Variants in MCF2L observed in about 807,000 individuals in gnomAD.
MCF2L encodes guanine nucleotide exchange factor DBS.
A neutral mutation model predicts 153.4 loss-of-function variants in MCF2L; 97 were observed. The ratio of observed to expected loss-of-function variants is 0.63; its 90% CI spans 0.54 to 0.75. The LOEUF (loss-of-function observed/expected upper bound fraction) is 0.75, where lower values mean the gene tolerates loss of function less well. Ranked by LOEUF, MCF2L falls within the 30% of genes least tolerant of loss-of-function variation. The pLI is 0.00. For synonymous variants in MCF2L, 659 were observed against 632.2 expected (o/e 1.04, Z -0.64); for missense variants, 1,347 against 1,495.2 (o/e 0.90, Z 1.64).
chr13:113,028,533 G>A lies in MCF2L; in HGVS notation c.278+3775G>A, dbSNP rs2085448754. ...CGCACAGCCTGGTCTGGCTGAAGGT[G>A]GCCGGAGCGCAGGCCCAGTCCCCGC... On this transcript the variant is annotated intron_variant, in intron 3 of 29. Coordinates refer to ENST00000535094, the MANE Select transcript of MCF2L (RefSeq NM_001112732.3). The surrounding 1 kb of genome is among the most constrained non-coding windows in gnomAD (Gnocchi z 5.4). Among the ~76,000 whole-genome samples, 1 of 152,212 alleles carries A rather than the reference G, an allele frequency of 6.6e-6. No individual in the cohort carries two copies.
In MCF2L at chr13:112,913,993, G is replaced by T. The variant is rs75741202; in HGVS notation, c.169+11622G>T. The stretch of plus-strand genomic sequence containing the variant: ...TCGAGTCCAGACTCCTTAGCGTTGC[G>T]TTGGGACGTAATTCCCCGTTAGCAT... On this transcript the variant is annotated intron_variant, in intron 2 of 29. Transcript: ENST00000375608. Among the ~76,000 whole-genome samples, 73 of 152,246 alleles carry T rather than the reference G, an allele frequency of 4.8e-4. 1 individual carries two copies. The East Asian group carries it at 0.011, about 23-fold the overall frequency.
chr13:113,013,789 T>G (rs2084324898), intron 1 of MCF2L, among the ~76,000 whole-genome samples: 1 of 152,218 alleles, frequency 6.6e-6, no homozygotes, highest in Non-Finnish European at 1.5e-5. Flanking sequence ...AAATCGTGTC[T>G]GCTCCGTGGT....
Position 113,087,449 on chromosome 13 carries a change from C to CCTA in MCF2L, c.2590_2591insACT (p.Ser863_Leu864insTyr). ...GCTCCCTCCTACAGCTACAAGCAGT[C>CCTA]CTTAAACGTAAGTGAGGCCGGGTCT... On this transcript the variant is annotated inframe_insertion, in exon 22 of 30. Transcript: ENST00000535094. 3.7e-6 allele frequency: 6 copies of CCTA among 1,603,828 alleles called. No individual in the cohort carries two copies. Among genetic ancestry groups the CCTA allele is most frequent in the Non-Finnish European group, 5.1e-6 (6 of 1,173,304 alleles).
Position 113,024,661 on chromosome 13 carries a change from G to C in MCF2L, c.181G>C (p.Gly61Arg). ...CTCCCCAGGTGGGCGGGGGCAGGACGGAAGCCCGGTTATCACCTTCCCTGA... is the reference window on the plus strand; with the variant it reads ...CTCCCCAGGTGGGCGGGGGCAGGACCGAAGCCCGGTTATCACCTTCCCTGA... ...AYLSGGRGQD[G>R]SPVITFPDYP... The change falls in exon 3 of 30, where the codon GGA becomes CGA. Residue 61 changes from glycine to arginine, a missense_variant. By Grantham distance (125) the Gly-to-Arg change is moderately radical. Coordinates refer to ENST00000535094, the MANE Select transcript of MCF2L (RefSeq NM_001112732.3). 1.2e-6 allele frequency: 2 copies of C among 1,613,870 alleles called. No homozygotes were observed. The highest frequency in any genetic ancestry group is 1.7e-6 in the Non-Finnish European group (2 of 1,179,828).
At position 113,089,732 on chromosome 13, in the gene MCF2L, G is replaced by A. The variant is rs760103308; in HGVS notation, c.2953+4G>A. ...AAGCCCCCCGAAAAGGGCAAAGGTGGGTATGTGCAGGGACCGGGCCTCACA... is the reference window on the plus strand; with the variant it reads ...AAGCCCCCCGAAAAGGGCAAAGGTGAGTATGTGCAGGGACCGGGCCTCACA... On this transcript the variant is annotated splice_donor_region_variant and intron_variant, in intron 26 of 29. Coordinates refer to ENST00000535094, the MANE Select transcript of MCF2L (RefSeq NM_001112732.3). 7.4e-6 allele frequency: 12 copies of A among 1,611,862 alleles called. No individual in the cohort carries two copies. The highest frequency in any genetic ancestry group is 1.0e-5 in the Non-Finnish European group (12 of 1,178,454).
At chr13:113,043,028 G>A (rs2086598760) in intron 3 of MCF2L, 1 of 152,264 alleles carries the variant, frequency 6.6e-6, no homozygotes, top group South Asian at 2.1e-4. Context: ...AGCATACTCA[G>A]TGGCTTCATT....
At chr13:113,086,951 C>T (rs531163162) in intron 21 of MCF2L, among the ~76,000 whole-genome samples, 17 of 152,278 alleles carry the variant, frequency 1.1e-4, no homozygotes, top group Admixed American at 7.2e-4. Flanking sequence ...GTGCATTCTG[C>T]GGTTTGGACA....
rs898273483 is a variant in MCF2L, at chr13:113,011,547, G to A, written c.80-3216G>A. On this transcript the variant is annotated intron_variant, in intron 1 of 29. Coordinates refer to ENST00000535094, the MANE Select transcript of MCF2L (RefSeq NM_001112732.3). ...CTGGGTGGATGGTGGACACTGCGATGAGGACGGTGGACACTGCGATGAGGA... is the reference window on the plus strand; with the variant it reads ...CTGGGTGGATGGTGGACACTGCGATAAGGACGGTGGACACTGCGATGAGGA... Among the ~76,000 whole-genome samples the A allele has an allele frequency of 5.4e-4, 81 of 150,230 alleles. 1 individual carries two copies. Among genetic ancestry groups the A allele is most frequent in the African/African-American group, 1.9e-3 (79 of 40,668 alleles).
chr13:113,030,310 C>CGCA (rs57486104), intron 3 of MCF2L, among the ~76,000 whole-genome samples: 31 of 84,278 alleles, frequency 3.7e-4, no homozygotes, highest in Non-Finnish European at 5.9e-4. Flanking sequence ...CGCCGACGCC[C>CGCA]GGTGTGGACC....
chr13:112,902,863 G>A (rs1366696163), intron 2 of MCF2L, among the ~76,000 whole-genome samples: 1 of 152,186 alleles, frequency 6.6e-6, no homozygotes, highest in African/African-American at 2.4e-5. Context: ...CCCGAGGTGA[G>A]AGCTGGGCAG....
chr13:113,017,161 C>T (rs1202223567), intron 2 of MCF2L, among the ~76,000 whole-genome samples: 1 of 152,254 alleles, frequency 6.6e-6, no homozygotes, highest in Non-Finnish European at 1.5e-5. Context: ...CTCACCACGT[C>T]CAGCACTGCT....
In MCF2L at chr13:113,035,883, G is replaced by A. The variant is rs1220945368; in HGVS notation, c.279-9388G>A. ...TAAAATGGCAGAGGCCCCTTTGGTA[G>A]TGAGTCTGTGTGACAGGCGATGGGG... is the stretch of plus-strand genomic sequence containing the variant. On this transcript the variant is annotated intron_variant, in intron 3 of 29. Coordinates refer to ENST00000535094, the MANE Select transcript of MCF2L (RefSeq NM_001112732.3). This position sits in a 1 kb window ranked among gnomAD's most constrained non-coding sequence, Gnocchi z 4.4. Among the ~76,000 whole-genome samples the A allele has an allele frequency of 1.3e-5, 2 of 152,304 alleles. No individual in the cohort carries two copies. The highest frequency in any genetic ancestry group is 3.9e-4 in the East Asian group (2 of 5,180).
chr13:113,062,382 C>G (rs1249810217), intron 5 of MCF2L, among the ~76,000 whole-genome samples: 1 of 152,180 alleles, frequency 6.6e-6, no homozygotes, highest in East Asian at 1.9e-4. Context: ...CAGCTACTCT[C>G]TTGGTGGCTT....
chr13:113,056,393 CTGAG>C (rs1258561889), intron 4 of MCF2L, among the ~76,000 whole-genome samples: 19 of 145,474 alleles, frequency 1.3e-4, no homozygotes, highest in African/African-American at 4.4e-4. Flanking sequence ...TGTTTGGGTG[CTGAG>C]TGTTTTGGCA....
intron 1 of MCF2L, among the ~76,000 whole-genome samples, chr13:113,004,108 G>A (rs901009293): frequency 5.3e-5 from 8 of 152,232 alleles, no homozygotes; most frequent in South Asian, 2.1e-4. Flanking sequence ...CCCTTCCCTC[G>A]TGGCTGGTGC....
rs910545395 is a variant in MCF2L at position 113,065,926 on chromosome 13, G to A, written c.757-120G>A. On this transcript the variant is annotated intron_variant, in intron 7 of 29. Coordinates refer to ENST00000535094, the MANE Select transcript of MCF2L (RefSeq NM_001112732.3). Reference sequence around the variant, plus strand: ...AAGAGACTGGGAAGACTCGGGGGTCGGGGATTGACCCCTTCCTCAGTCCCC... The same window carrying A: ...AAGAGACTGGGAAGACTCGGGGGTCAGGGATTGACCCCTTCCTCAGTCCCC... 40 of 1,073,854 alleles carry A rather than the reference G, an allele frequency of 3.7e-5. No individual in the cohort carries two copies. In the East Asian group the frequency reaches 4.8e-4, roughly 13 times the overall value. The allele number at this position is 1,073,854 out of a possible 1,614,324, so 66.5% of individuals were successfully genotyped here. A position where few individuals can be genotyped will look rare whatever the true frequency, so the allele number is the denominator to read the frequency against.
chr13:113,096,280 G>T, intron 27 of MCF2L, 91 bp from the exon 28 acceptor site: 1 of 1,019,094 alleles, frequency 9.8e-7, no homozygotes, highest in Non-Finnish European at 1.5e-6. Flanking sequence ...CCGGGGCAGG[G>T]CGCTAAGGCC....
At chr13:113,077,021 G>A (rs746784150) in intron 12 of MCF2L, 31 bp from the exon 13 acceptor site, 1 of 1,590,346 alleles carries the variant, frequency 6.3e-7, no homozygotes, top group Non-Finnish European at 8.6e-7. Flanking sequence ...ACCAACATGT[G>A]CAAGGCACCT....
intron 1 of MCF2L, among the ~76,000 whole-genome samples, chr13:112,982,225 C>T (rs2082458760): frequency 6.6e-6 from 1 of 152,164 alleles, no homozygotes; most frequent in Admixed American, 6.5e-5. Flanking sequence ...GTAATGGAGG[C>T]CGTGCCCACC....
Sources: allele counts gnomAD v4.1 joint callset (sites outside exome capture counted in the v4.1 genomes callset), GRCh38; gene constraint gnomAD v4.1.1; non-coding constraint Gnocchi (gnomAD v3.1); transcripts MANE v1.5; gene names NCBI Gene and HGNC (gene_info 2026-07-23, HGNC 2026-07-21).